The following TMF1 variants were observed in gnomAD, a reference collection of about 807,000 sequenced individuals.
TMF1 encodes TATA element modulatory factor.
A neutral mutation model predicts 126.5 loss-of-function variants in TMF1; 71 were observed. The observed-to-expected ratio is 0.56, with a 90% CI of 0.46 to 0.68. The LOEUF is 0.68. Ranked by LOEUF, TMF1 falls within the 30% of genes least tolerant of loss-of-function variation. The pLI is 0.00. For synonymous variants in TMF1, 461 were observed against 430.5 expected (o/e 1.07, Z -0.88); for missense variants, 1,259 against 1,253.2 (o/e 1.00, Z -0.07).
chr3:69,052,302 G>A lies in TMF1; in HGVS notation c.-216C>T. 2 of 438,884 alleles carry A rather than the reference G, an allele frequency of 4.6e-6. No homozygotes were observed. Among genetic ancestry groups the A allele is most frequent in the East Asian group, 3.9e-5 (1 of 25,384 alleles). 27.2% of individuals were successfully genotyped at this position (438,884 alleles called of 1,614,324 possible). ...AGGGGGCCCATGTGCGCATGCGCTT[G>A]CTTCTTCCACGTACACAGCAACCAA... On this transcript the variant is annotated 5_prime_UTR_variant, in exon 1 of 17. Coordinates refer to ENST00000398559, the MANE Select transcript of TMF1 (RefSeq NM_007114.3).
chr3:69,051,934 C>G lies in TMF1; in HGVS notation c.142+11G>C. The G allele has an allele frequency of 1.2e-6, 2 of 1,611,660 alleles. No individual in the cohort carries two copies. Among genetic ancestry groups the G allele is most frequent in the East Asian group, 2.2e-5 (1 of 44,748 alleles). On this transcript the variant is annotated intron_variant, in intron 1 of 16. Transcript: ENST00000398559. ...TCCGGGAGCCAGGAACCCCGCTCCTCTCTCTCTTACCCGGCTCTCCATACG... is the reference window on the plus strand; with the variant it reads ...TCCGGGAGCCAGGAACCCCGCTCCTGTCTCTCTTACCCGGCTCTCCATACG...
intron 15 of TMF1, chr3:69,024,861 G>C (rs954257486): frequency 2.3e-4 from 27 of 115,830 alleles, no homozygotes; most frequent in Admixed American, 1.7e-3. Flanking sequence ...CTTACTGGTT[G>C]AGCATCCCAA....
chr3:69,024,363 C>A, intron 15 of TMF1, 183 bp from the exon 16 acceptor site: 1 of 464,640 alleles, frequency 2.2e-6, no homozygotes, highest in Non-Finnish European at 3.7e-6. Flanking sequence ...ACGGTCCCAA[C>A]TTTCCTGAGA....
Position 69,047,811 on chromosome 3 carries a change from T to G in TMF1, c.894A>C (p.Ala298=), listed in dbSNP as rs1168063427. The change falls in exon 2 of 17, where the codon GCA becomes GCC. Residue 298 remains alanine (A), a synonymous_variant. Transcript: ENST00000398559. The part of the protein sequence containing the change: ...LMQTSFQLLS[A]SACPEYNRLD... The stretch of plus-strand genomic sequence containing the variant: ...AACGATTATATTCAGGACAAGCAGA[T>G]GCAGAGAGAAGCTGAAAAGATGTCT... The G allele has an allele frequency of 1.2e-6, 2 of 1,614,094 alleles. No homozygotes were observed. Among genetic ancestry groups the G allele is most frequent in the East Asian group, 2.2e-5 (1 of 44,862 alleles).
chr3:69,051,636 G>GCTT (rs1206823607), intron 1 of TMF1, among the ~76,000 whole-genome samples: 1 of 152,134 alleles, frequency 6.6e-6, no homozygotes, highest in African/African-American at 2.4e-5. Context: ...GGAAGGTTGT[G>GCTT]CTTGGAAGCT....
In TMF1 at chr3:69,033,265, C is replaced by T. The variant is rs574224415; in HGVS notation, c.2401+283G>A. Among the ~76,000 whole-genome samples, 38 of 96,126 alleles carry T rather than the reference C, an allele frequency of 4.0e-4. 1 individual carries two copies. In the East Asian group the frequency reaches 0.01, roughly 26 times the overall value. The allele number at this position is 96,126 out of a possible 152,430, so 63.1% of individuals were successfully genotyped here. ...CTCCAGCCTCAGTGAAAGAGTGAGA[C>T]TCCATCTCAAAAAAAAAAAAAAAAA... On this transcript the variant is annotated intron_variant, in intron 10 of 16. Coordinates refer to ENST00000398559, the MANE Select transcript of TMF1 (RefSeq NM_007114.3).
In TMF1 at chr3:69,048,445, C is replaced by T; in HGVS notation, c.260G>A (p.Arg87Lys). 1 of 1,614,134 alleles carries T rather than the reference C, an allele frequency of 6.2e-7. No individual in the cohort carries two copies. The highest frequency in any genetic ancestry group is 8.5e-7 in the Non-Finnish European group (1 of 1,180,030). ...ATTTTCAGATTCATCGACCACAGTC[C>T]TCCGAACTGGCTTTGTGATTGCTTT... is the stretch of plus-strand genomic sequence containing the variant. ...SPKAITKPVR[R>K]TVVDESENFF... Residue 87 changes from arginine (R) to lysine (K), a missense_variant, in exon 2 of 17, where the codon AGG (arginine) becomes AAG (lysine). Arg to Lys is a conservative substitution (Grantham distance 26). Coordinates refer to ENST00000398559, the MANE Select transcript of TMF1 (RefSeq NM_007114.3).
At chr3:69,026,497 G>A (rs921533623) in intron 13 of TMF1, among the ~76,000 whole-genome samples, 1 of 152,212 alleles carries the variant, frequency 6.6e-6, no homozygotes, top group African/African-American at 2.4e-5. Flanking sequence ...TCGGGAGGCT[G>A]AGGCAGAATC....
chr3:69,027,456 T>C (rs1374993960), intron 13 of TMF1, among the ~76,000 whole-genome samples: 2 of 152,200 alleles, frequency 1.3e-5, no homozygotes, highest in Admixed American at 6.5e-5. Context: ...TTTCAAGTCC[T>C]AGAAATCATA....
chr3:69,041,314 C>T (rs1373235575), intron 5 of TMF1, among the ~76,000 whole-genome samples: 1 of 152,084 alleles, frequency 6.6e-6, no homozygotes, highest in Non-Finnish European at 1.5e-5. Flanking sequence ...CTATATTTCC[C>T]TCTCACTGAA....
chr3:69,037,170 G>A (rs572419761), intron 8 of TMF1, among the ~76,000 whole-genome samples: 1 of 152,300 alleles, frequency 6.6e-6, no homozygotes, highest in African/African-American at 2.4e-5. Flanking sequence ...ATAAGCAAAT[G>A]AAAAGACATC....
intron 4 of TMF1, among the ~76,000 whole-genome samples, chr3:69,043,313 G>A (rs774163292): frequency 4.6e-5 from 7 of 152,060 alleles, no homozygotes; most frequent in East Asian, 1.9e-4. Flanking sequence ...GGGACCACAC[G>A]CATGTACCAC....
At position 69,030,000 on chromosome 3, in the gene TMF1, G is replaced by A. The variant is rs2091790719; in HGVS notation, c.2409C>T (p.Ser803=). 6.2e-7 allele frequency: 1 copy of A among 1,611,932 alleles called. No individual in the cohort carries two copies. Among genetic ancestry groups the A allele is most frequent in the Non-Finnish European group, 8.5e-7 (1 of 1,179,156 alleles). Residue 803 remains serine (S), a synonymous_variant, in exon 11 of 17, where the codon TCC becomes TCT. Transcript: ENST00000398559. ...EKNLSDRLGE[S]QTLLAAAVER... ...CAACTGCTGCTGCCAGCAAGGTCTG[G>A]GATTCACCTGATTACAGGACAGAAA...
In TMF1 at chr3:69,020,863, T is replaced by A. The variant is rs768009095; in HGVS notation, c.*2314A>T. ...GTTTAATTTTATAAAATTGAAAAGT[T>A]TAGGAATGAGTTTTATTGCAATCTT... On this transcript the variant is annotated 3_prime_UTR_variant, in exon 17 of 17. Coordinates refer to ENST00000398559, the MANE Select transcript of TMF1 (RefSeq NM_007114.3). 1.2e-4 allele frequency: 18 copies of A among 152,186 alleles called. No homozygotes were observed. The highest frequency in any genetic ancestry group is 4.1e-4 in the African/African-American group (17 of 41,446). 9.4% of individuals were successfully genotyped at this position (152,186 alleles called of 1,614,324 possible).
chr3:69,034,742 C>T (rs958111088), intron 9 of TMF1, among the ~76,000 whole-genome samples: 2 of 152,166 alleles, frequency 1.3e-5, no homozygotes, highest in African/African-American at 4.8e-5. Context: ...TAATCAAAGA[C>T]TGACAATCAT....
intron 4 of TMF1, 81 bp from the exon 5 acceptor site, chr3:69,042,993 A>C: frequency 1.0e-6 from 1 of 983,464 alleles, no homozygotes. Context: ...CCATCCAAAG[A>C]AGCTGTCCAT....
At chr3:69,042,485 G>A in intron 5 of TMF1, 1 of 495,872 alleles carries the variant, frequency 2.0e-6, no homozygotes. Flanking sequence ...AAATCCCAGA[G>A]TTACACACTT....
At chr3:69,026,649 A>G (rs897547592) in intron 13 of TMF1, among the ~76,000 whole-genome samples, 1 of 152,192 alleles carries the variant, frequency 6.6e-6, no homozygotes, top group Non-Finnish European at 1.5e-5. Flanking sequence ...AAAAAGTACA[A>G]TATTTACTAA....
intron 2 of TMF1, 125 bp downstream of exon 2, chr3:69,047,233 A>T: frequency 1.7e-6 from 2 of 1,182,200 alleles, no homozygotes; most frequent in Non-Finnish European, 2.3e-6. Context: ...CTACACAGAA[A>T]TGGCAAAATG....
Sources: allele counts gnomAD v4.1 joint callset (sites outside exome capture counted in the v4.1 genomes callset), GRCh38; gene constraint gnomAD v4.1.1; transcripts MANE v1.5; gene names NCBI Gene and HGNC (gene_info 2026-07-23, HGNC 2026-07-21).